Variants in RTL4 observed in about 807,000 individuals in gnomAD.
RTL4 encodes retrotransposon Gag like 4.
RTL4 carries 4 observed loss-of-function variants against 5.3 expected under a neutral mutation model. The ratio of observed to expected loss-of-function variants is 0.75; its 90% CI spans 0.37 to 1.72. The LOEUF is 1.72. RTL4 is among the 40% of genes most tolerant of loss of function. The pLI is 0.04. For synonymous variants in RTL4, 98 were observed against 87.3 expected (o/e 1.12, Z -0.68); for missense variants, 260 against 227.1 (o/e 1.14, Z -0.93).
At chrX:112,201,973 T>TTGTGTGTGTGTGTGTGTG in the RTL4 span, among the ~76,000 whole-genome samples, 138 of 103,414 alleles carry the variant, frequency 1.3e-3, no homozygotes, top group Non-Finnish European at 2.0e-3. Context: ...TTGTGTGTGT[T>TTGTGTGTGTGTGTGTGTG]TGTGTGTGTG....
At chrX:112,453,092 T>C (rs1926771490), upstream of RTL4, among the ~76,000 whole-genome samples, 1 of 111,070 alleles carries the variant, frequency 9.0e-6, no homozygotes, top group Non-Finnish European at 1.9e-5. Context: ...AAATGAGTTC[T>C]TCAGGATCAT....
the RTL4 span, among the ~76,000 whole-genome samples, chrX:112,439,527 G>T: frequency 8.9e-6 from 1 of 111,762 alleles, no homozygotes; most frequent in East Asian, 2.8e-4. Flanking sequence ...CTACCCACAT[G>T]CTAGATACTT....
the RTL4 span, among the ~76,000 whole-genome samples, chrX:112,297,359 G>A: frequency 9.0e-6 from 1 of 111,649 alleles, no homozygotes; most frequent in Admixed American, 9.6e-5. Flanking sequence ...CAGGAAACAT[G>A]ACTGGGGAGG....
At chrX:112,224,498 T>G in the RTL4 span, among the ~76,000 whole-genome samples, 1 of 109,233 alleles carries the variant, frequency 9.2e-6, no homozygotes. Context: ...TGTGCCACCA[T>G]GCCTGGCTAA....
the RTL4 span, among the ~76,000 whole-genome samples, chrX:112,331,217 G>C: frequency 9.6e-6 from 1 of 104,538 alleles, no homozygotes. Flanking sequence ...AGAGTGAACA[G>C]GCAACCTACA....
the RTL4 span, among the ~76,000 whole-genome samples, chrX:112,139,838 C>T: frequency 2.7e-5 from 3 of 111,634 alleles, no homozygotes; most frequent in Admixed American, 9.5e-5. Context: ...CAGTTTCCCC[C>T]GTATTGTTCT....
the RTL4 span, among the ~76,000 whole-genome samples, chrX:112,138,088 G>A: frequency 1.8e-5 from 2 of 112,215 alleles, no homozygotes; most frequent in South Asian, 3.6e-4. Flanking sequence ...CCTGCCTTTT[G>A]CAACAATATG....
the RTL4 span, among the ~76,000 whole-genome samples, chrX:112,123,429 A>G: frequency 8.9e-6 from 1 of 112,482 alleles, no homozygotes; most frequent in Non-Finnish European, 1.9e-5. Context: ...GCTTTCTTCT[A>G]GAGCTTTTGT....
At chrX:112,328,277 A>T in the RTL4 span, among the ~76,000 whole-genome samples, 5 of 110,980 alleles carry the variant, frequency 4.5e-5, no homozygotes, top group Admixed American at 9.7e-5. Context: ...ATGTGCAGAG[A>T]CACACATAGG....
At chrX:112,389,448 G>T in the RTL4 span, among the ~76,000 whole-genome samples, 1 of 110,376 alleles carries the variant, frequency 9.1e-6, no homozygotes, top group Non-Finnish European at 1.9e-5. Flanking sequence ...TAGCTTTGGG[G>T]TTGATTTGTT....
chrX:112,096,475 C>A, the RTL4 span, among the ~76,000 whole-genome samples: 1 of 111,511 alleles, frequency 9.0e-6, no homozygotes, highest in Non-Finnish European at 1.9e-5. Flanking sequence ...GATCCAGGCA[C>A]GTCAACAGCA....
At chrX:112,454,420 G>A (rs1285547102), upstream of RTL4, 1 of 201,604 alleles carries the variant, frequency 5.0e-6, no homozygotes, top group East Asian at 9.0e-5. Context: ...GGAGAGAAAG[G>A]TACTGTGACT....
At chrX:112,436,466 A>C in the RTL4 span, among the ~76,000 whole-genome samples, 2 of 111,493 alleles carry the variant, frequency 1.8e-5, no homozygotes, top group African/African-American at 6.5e-5. Context: ...GTTCAAAACT[A>C]AATCATGTTA....
chrX:112,441,275 A>G, the RTL4 span, among the ~76,000 whole-genome samples: 5 of 111,299 alleles, frequency 4.5e-5, no homozygotes, highest in African/African-American at 6.5e-5. Context: ...GCTACCTTGC[A>G]GCTTCCATAC....
chrX:112,107,064 T>A, the RTL4 span, among the ~76,000 whole-genome samples: 3 of 111,585 alleles, frequency 2.7e-5, no homozygotes, highest in East Asian at 8.4e-4. Flanking sequence ...CCTGTGGTTT[T>A]GAGTTCTTAT....
the RTL4 span, among the ~76,000 whole-genome samples, chrX:112,256,657 C>T: frequency 0.015 from 1,691 of 111,926 alleles, 33 homozygotes; most frequent in African/African-American, 0.051. Context: ...CACATGAACA[C>T]TTACATTTCT....
At chrX:112,430,757 A>AT in the RTL4 span, among the ~76,000 whole-genome samples, 2 of 110,491 alleles carry the variant, frequency 1.8e-5, no homozygotes, top group South Asian at 3.9e-4. Context: ...TGCCCTGCTC[A>AT]TTTTTTTGTA....
At chrX:112,249,896 C>T in the RTL4 span, among the ~76,000 whole-genome samples, 1 of 109,676 alleles carries the variant, frequency 9.1e-6, no homozygotes, top group Non-Finnish European at 1.9e-5. Flanking sequence ...TCTTGTAATG[C>T]CCCTGCAAGA....
the RTL4 span, among the ~76,000 whole-genome samples, chrX:112,187,516 GCCTT>G: frequency 9.0e-6 from 1 of 111,627 alleles, no homozygotes; most frequent in African/African-American, 3.3e-5. Flanking sequence ...GACAAGATAA[GCCTT>G]CATTCTAGGG....
Sources: allele counts gnomAD v4.1 joint callset (sites outside exome capture counted in the v4.1 genomes callset), GRCh38; gene constraint gnomAD v4.1.1; transcripts MANE v1.5; gene names NCBI Gene and HGNC (gene_info 2026-07-23, HGNC 2026-07-21).